Variants in ASIC2 observed in about 807,000 individuals in gnomAD.
ASIC2 encodes the protein acid sensing ion channel subunit 2, also known as acid-sensing ion channel 2.
In ASIC2, 25 loss-of-function variants were observed where a neutral mutation model predicts 57.3. The observed-to-expected ratio is 0.44, with a 90% CI of 0.32 to 0.61. The LOEUF (loss-of-function observed/expected upper bound fraction) is 0.61, where lower values mean the gene tolerates loss of function less well. Ranked by LOEUF, ASIC2 falls within the 20% of genes least tolerant of loss-of-function variation. The pLI, the probability that ASIC2 is intolerant of heterozygous loss-of-function variation, is 0.06. For missense variants in ASIC2, 641 were observed against 738.1 expected (o/e 0.87, Z 1.52); for synonymous variants, 319 against 307.5 (o/e 1.04, Z -0.39).
intron 1 of ASIC2, among the ~76,000 whole-genome samples, chr17:33,456,656 T>C (rs976013593): frequency 1.4e-4 from 21 of 152,226 alleles, no homozygotes; most frequent in African/African-American, 4.8e-4. Context: ...AGGTGATGGT[T>C]GCTAGAGTAA....
intron 1 of ASIC2, among the ~76,000 whole-genome samples, chr17:33,977,965 G>T (rs185895222): frequency 6.6e-6 from 1 of 152,328 alleles, no homozygotes; most frequent in Non-Finnish European, 1.5e-5. Flanking sequence ...ATGGCATCAT[G>T]GTGCAGTATG....
intron 1 of ASIC2, among the ~76,000 whole-genome samples, chr17:33,125,493 A>G (rs2092319581): frequency 6.6e-6 from 1 of 152,358 alleles, no homozygotes; most frequent in South Asian, 2.1e-4. Flanking sequence ...GGCTTTCACA[A>G]TGAAAGACAA....
At chr17:33,485,282 A>G (rs1008581228) in intron 1 of ASIC2, among the ~76,000 whole-genome samples, 1 of 152,244 alleles carries the variant, frequency 6.6e-6, no homozygotes, top group African/African-American at 2.4e-5. Context: ...AGCCCTGAGT[A>G]AAGTGCAAAG....
At chr17:33,672,831 GAAC>G (rs1907680455) in intron 1 of ASIC2, among the ~76,000 whole-genome samples, 1 of 152,154 alleles carries the variant, frequency 6.6e-6, no homozygotes, top group Non-Finnish European at 1.5e-5. Context: ...GAAATGACTG[GAAC>G]ATACGGCAGA....
At chr17:33,504,428 T>G (rs546880366) in intron 1 of ASIC2, among the ~76,000 whole-genome samples, 10 of 152,332 alleles carry the variant, frequency 6.6e-5, no homozygotes, top group Admixed American at 2.6e-4. Flanking sequence ...AACCTCCACC[T>G]CCCAGGTCCA....
chr17:33,714,672 T>C (rs1280890149), intron 1 of ASIC2, among the ~76,000 whole-genome samples: 2 of 152,146 alleles, frequency 1.3e-5, no homozygotes, highest in Non-Finnish European at 2.9e-5. Context: ...GGGAGAACAA[T>C]GAGACTGAAG....
At chr17:33,280,454 C>T (rs1344076311) in intron 1 of ASIC2, among the ~76,000 whole-genome samples, 1 of 152,194 alleles carries the variant, frequency 6.6e-6, no homozygotes, top group Admixed American at 6.5e-5. Flanking sequence ...TGGAGATCCA[C>T]ACCAAGTACC....
chr17:33,870,080 G>C (rs1914353271), intron 1 of ASIC2, among the ~76,000 whole-genome samples: 1 of 152,032 alleles, frequency 6.6e-6, no homozygotes, highest in Non-Finnish European at 1.5e-5. Flanking sequence ...GCATAGTCTA[G>C]TGATAAAGAC....
intron 1 of ASIC2, among the ~76,000 whole-genome samples, chr17:33,548,096 G>C (rs1450504737): frequency 1.3e-5 from 2 of 152,158 alleles, no homozygotes; most frequent in African/African-American, 4.8e-5. Flanking sequence ...AGTTTAGCAA[G>C]TATTAAGAGA....
At chr17:33,111,022 C>G (rs1297697657) in intron 2 of ASIC2, among the ~76,000 whole-genome samples, 1 of 152,216 alleles carries the variant, frequency 6.6e-6, no homozygotes, top group Non-Finnish European at 1.5e-5. Flanking sequence ...TTTACCTTCT[C>G]TTCCTGGTGA....
intron 3 of ASIC2, among the ~76,000 whole-genome samples, chr17:33,083,431 G>T (rs187999008): frequency 1.9e-4 from 29 of 152,308 alleles, no homozygotes; most frequent in African/African-American, 7.0e-4. Context: ...ACAGGGGCCA[G>T]GTCTCGCTTA....
At chr17:33,883,903 G>A (rs554642222) in intron 1 of ASIC2, among the ~76,000 whole-genome samples, 8 of 152,076 alleles carry the variant, frequency 5.3e-5, no homozygotes, top group African/African-American at 1.9e-4. Context: ...TTGCACGGAT[G>A]AGCAAATCAA....
At chr17:34,106,749 C>T (rs1911072652) in intron 1 of ASIC2, among the ~76,000 whole-genome samples, 1 of 152,136 alleles carries the variant, frequency 6.6e-6, no homozygotes, top group Non-Finnish European at 1.5e-5. Context: ...GTGACATCCT[C>T]CCACCATGTT....
chr17:33,878,258 G>A (rs984137045), intron 1 of ASIC2, among the ~76,000 whole-genome samples: 9 of 152,248 alleles, frequency 5.9e-5, no homozygotes, highest in African/African-American at 2.2e-4. Flanking sequence ...GCTGGATGGA[G>A]AATGACTTTG....
intron 1 of ASIC2, among the ~76,000 whole-genome samples, chr17:33,593,455 C>T (rs553187378): frequency 1.8e-4 from 27 of 152,192 alleles, no homozygotes; most frequent in Non-Finnish European, 3.7e-4. Context: ...GAAATCATCT[C>T]TTTCAGGATC....
At chr17:33,822,944 T>G (rs1312853588) in intron 1 of ASIC2, among the ~76,000 whole-genome samples, 2 of 152,192 alleles carry the variant, frequency 1.3e-5, no homozygotes, top group African/African-American at 4.8e-5. Flanking sequence ...AATGGCCACT[T>G]GCTGAGAAAG....
intron 1 of ASIC2, among the ~76,000 whole-genome samples, chr17:33,584,908 G>A (rs1904566425): frequency 6.6e-6 from 1 of 152,124 alleles, no homozygotes; most frequent in Non-Finnish European, 1.5e-5. Flanking sequence ...GAGGCACCAT[G>A]GTGGATTGAT....
chr17:34,072,132 G>C (rs988064417), intron 1 of ASIC2: 1 of 152,498 alleles, frequency 6.6e-6, no homozygotes. Context: ...GGCAGGCATC[G>C]GGGCGAGAAG....
chr17:33,368,432 C>T (rs1908907961), intron 1 of ASIC2, among the ~76,000 whole-genome samples: 1 of 152,138 alleles, frequency 6.6e-6, no homozygotes, highest in East Asian at 1.9e-4. Context: ...AGCTGAGGGC[C>T]CAGACTTCAG....
Sources: gnomAD v4.1 joint callset for allele counts (sites outside exome capture counted in the v4.1 genomes callset) on GRCh38, gnomAD v4.1.1 for gene constraint, MANE v1.5 for transcripts, NCBI Gene and HGNC (gene_info 2026-07-23, HGNC 2026-07-21) for gene names.